Variants in PHKA1 observed in about 807,000 individuals in gnomAD.
PHKA1 encodes the protein phosphorylase kinase regulatory subunit alpha 1.
PHKA1 carries 60 observed loss-of-function variants against 110.2 expected under a neutral mutation model. The observed-to-expected ratio is 0.54, with a 90% confidence interval of 0.44 to 0.68. The LOEUF is 0.68. Among genes scored for constraint, PHKA1 ranks in the 30% least tolerant of loss-of-function variants. The pLI, the probability that PHKA1 is intolerant of heterozygous loss-of-function variation, is 0.00. For synonymous variants in PHKA1, 316 were observed against 333.6 expected, an observed-to-expected ratio of 0.95 and a Z score of 0.58; for missense variants, 801 against 942.5, an observed-to-expected ratio of 0.85 and a Z score of 1.97.
chrX:72,649,983 C>T lies in PHKA1; in HGVS notation c.1324+407G>A, dbSNP rs782588335. ...CTCCAGCCTGGGTGACAGAAAGAGA[C>T]TCCCTCTCAAAAAAAAAAAAAAATA... is the stretch of plus-strand genomic sequence containing the variant. On this transcript the variant is annotated intron_variant, in intron 13 of 31. Transcript: ENST00000373542. Among the ~76,000 whole-genome samples, 3 of 100,307 alleles carry T rather than the reference C, an allele frequency of 3.0e-5. No homozygotes were observed. The South Asian group carries it at 1.6e-3, about 52-fold the overall frequency. 87.1% of individuals were successfully genotyped at this position (100,307 alleles called of 115,157 possible).
At position 72,712,772 on chromosome X, in the gene PHKA1, T is replaced by G; in HGVS notation, c.237+7A>C. 1.7e-6 allele frequency: 2 copies of G among 1,208,226 alleles called. No individual in the cohort carries two copies. Among genetic ancestry groups the G allele is most frequent in the Non-Finnish European group, 2.2e-6 (2 of 892,471 alleles). On this transcript the variant is annotated splice_region_variant and intron_variant, in intron 2 of 31. Coordinates refer to ENST00000373542, the MANE Select transcript of PHKA1 (RefSeq NM_002637.4). ...TCCAGATCTCTTTGTATTTTTATTT[T>G]GAGTACCTGCTCCAATTCATAGGCC...
At chrX:72,588,567 T>C (rs1420875717) in intron 29 of PHKA1, among the ~76,000 whole-genome samples, 1 of 110,263 alleles carries the variant, frequency 9.1e-6, no homozygotes, top group Admixed American at 9.6e-5. Context: ...AGGTAAGAAA[T>C]AACTAAGATC....
chrX:72,655,286 G>A (rs2053479285), intron 10 of PHKA1, among the ~76,000 whole-genome samples: 1 of 111,524 alleles, frequency 9.0e-6, no homozygotes, highest in South Asian at 3.8e-4. Context: ...GGTGGCATAT[G>A]CCTATAGTCC....
chrX:72,659,641 G>C (rs1486668514), intron 8 of PHKA1, among the ~76,000 whole-genome samples: 1 of 111,753 alleles, frequency 8.9e-6, no homozygotes, highest in Admixed American at 9.5e-5. Context: ...GAGAAACCTA[G>C]GTCTCATTAC....
chrX:72,609,511 A>G, intron 23 of PHKA1, 113 bp downstream of exon 23: 2 of 577,651 alleles, frequency 3.5e-6, no homozygotes, highest in Non-Finnish European at 6.2e-6. Flanking sequence ...GGTGTCTCTG[A>G]TAGAGGTGAA....
At chrX:72,629,895 A>T (rs1363957087) in intron 16 of PHKA1, among the ~76,000 whole-genome samples, 2 of 111,762 alleles carry the variant, frequency 1.8e-5, no homozygotes, top group African/African-American at 6.5e-5. Context: ...ATACCAATTA[A>T]AGTGATGTAT....
chrX:72,662,817 A>G (rs2053575983), intron 8 of PHKA1, among the ~76,000 whole-genome samples: 1 of 111,488 alleles, frequency 9.0e-6, no homozygotes, highest in African/African-American at 3.3e-5. Context: ...GAAACTGCAC[A>G]GAGACTATAA....
At chrX:72,584,140 G>T (rs1314037393) in intron 30 of PHKA1, 109 bp downstream of exon 30, 2 of 649,426 alleles carry the variant, frequency 3.1e-6, no homozygotes, top group Non-Finnish European at 2.5e-6. Context: ...TTCATGTTCA[G>T]TTGATTTATA....
intron 5 of PHKA1, among the ~76,000 whole-genome samples, chrX:72,682,334 A>G (rs2053906267): frequency 1.1e-5 from 1 of 90,981 alleles, no homozygotes; most frequent in African/African-American, 4.2e-5. Context: ...TCCGGGAGGG[A>G]GGTGGGGGGG....
At chrX:72,672,914 A>C (rs782138319) in intron 6 of PHKA1, among the ~76,000 whole-genome samples, 1 of 112,146 alleles carries the variant, frequency 8.9e-6, no homozygotes, top group Non-Finnish European at 1.9e-5. Flanking sequence ...AATATCACAC[A>C]AAATCAAATC....
chrX:72,623,354 C>G (rs2053007603), intron 17 of PHKA1, 79 bp from the exon 18 acceptor site: 1 of 797,419 alleles, frequency 1.3e-6, no homozygotes, highest in East Asian at 3.4e-5. Flanking sequence ...GATAAAAGGA[C>G]ACCTAACATG....
intron 16 of PHKA1, among the ~76,000 whole-genome samples, chrX:72,630,118 G>A (rs1556286050): frequency 9.0e-6 from 1 of 111,644 alleles, no homozygotes; most frequent in Non-Finnish European, 1.9e-5. Context: ...CGGGCATGGT[G>A]GTGCATGCCT....
chrX:72,593,100 TCA>T lies in PHKA1; in HGVS notation c.3243+2_3243+3del. 1 of 1,160,225 alleles carries T rather than the reference TCA, an allele frequency of 8.6e-7. No individual in the cohort carries two copies. Among genetic ancestry groups the T allele is most frequent in the Non-Finnish European group, 1.2e-6 (1 of 848,466 alleles). On this transcript the variant is annotated splice_donor_variant and splice_donor_region_variant and intron_variant, in intron 29 of 31. Transcript: ENST00000373542. LOFTEE classifies it high-confidence loss of function. The stretch of plus-strand genomic sequence containing the variant: ...ATGAGACATCAACAATGTATTATGC[TCA>T]CCTTCTGCAAAACTTTCCATACTTT...
chrX:72,621,608 G>A (rs2052980634), intron 18 of PHKA1: 1 of 139,949 alleles, frequency 7.1e-6, no homozygotes, highest in Non-Finnish European at 1.3e-5. Flanking sequence ...ACCAAAGTCT[G>A]CTGTATCAGT....
intron 5 of PHKA1, among the ~76,000 whole-genome samples, chrX:72,683,351 T>C (rs1159538420): frequency 2.7e-5 from 3 of 111,912 alleles, no homozygotes; most frequent in African/African-American, 6.5e-5. Context: ...GGTGGGAGGA[T>C]CACCTGAGCC....
chrX:72,616,384 TAA>T (rs1473746035), intron 21 of PHKA1, among the ~76,000 whole-genome samples: 2 of 111,291 alleles, frequency 1.8e-5, no homozygotes, highest in Non-Finnish European at 3.8e-5. Context: ...AGACTTTAAG[TAA>T]AACACTAAAA....
chrX:72,636,871 T>C (rs1163088954), intron 14 of PHKA1, among the ~76,000 whole-genome samples: 2 of 111,847 alleles, frequency 1.8e-5, no homozygotes, highest in African/African-American at 3.2e-5. Flanking sequence ...GTAAGTGTTA[T>C]ACTTATCAAA....
chrX:72,646,660 G>C (rs1488228662), intron 13 of PHKA1, among the ~76,000 whole-genome samples: 1 of 111,672 alleles, frequency 9.0e-6, no homozygotes, highest in Non-Finnish European at 1.9e-5. Context: ...CTGGAGATGG[G>C]GTCGGGGCTA....
chrX:72,682,140 G>A (rs2053896156), intron 5 of PHKA1, among the ~76,000 whole-genome samples: 1 of 80,787 alleles, frequency 1.2e-5, no homozygotes, highest in Non-Finnish European at 2.4e-5. Flanking sequence ...GCCTCTGCCC[G>A]GCCGCCCCTA....
Sources: allele counts gnomAD v4.1 joint callset (sites outside exome capture counted in the v4.1 genomes callset), GRCh38; gene constraint gnomAD v4.1.1; transcripts MANE v1.5; gene names NCBI Gene and HGNC (gene_info 2026-07-23, HGNC 2026-07-21).